The following NIPBL variants were observed in gnomAD, a reference collection of about 807,000 sequenced individuals.
NIPBL encodes the protein NIPBL cohesin loading factor, also known as nipped-B-like protein.
Under a neutral mutation model 321.8 loss-of-function variants are expected in NIPBL, and 19 were observed. That is an observed-to-expected ratio of 0.06 (90% CI 0.04 to 0.09). The LOEUF (loss-of-function observed/expected upper bound fraction) is 0.09, where lower values mean the gene tolerates loss of function less well. Ranked by LOEUF, NIPBL falls within the 10% of genes least tolerant of loss-of-function variation. The pLI, the probability that NIPBL is intolerant of heterozygous loss-of-function variation, is 1.00. For synonymous variants in NIPBL, 1,106 were observed against 1,114.1 expected (o/e 0.99, Z 0.14); for missense variants, 2,210 against 3,327.0 (o/e 0.66, Z 8.26).
Position 37,064,960 on chromosome 5 carries a change from A to T in NIPBL, c.*68A>T. 6.3e-7 allele frequency: 1 copy of T among 1,586,982 alleles called. No individual in the cohort carries two copies. Among genetic ancestry groups the T allele is most frequent in the South Asian group, 1.1e-5 (1 of 90,070 alleles). Reference sequence around the variant, plus strand: ...AGGCAGAAAAACTTGAAATACCAACATTCTGGCAAAAAAAAATCAGTTTTA... The same window carrying T: ...AGGCAGAAAAACTTGAAATACCAACTTTCTGGCAAAAAAAAATCAGTTTTA... On this transcript the variant is annotated 3_prime_UTR_variant, in exon 47 of 47. Transcript: ENST00000282516.
At chr5:37,060,696 A>G (rs1754574485) in intron 44 of NIPBL, 148 bp from the exon 45 acceptor site, 1 of 702,878 alleles carries the variant, frequency 1.4e-6, no homozygotes, top group African/African-American at 1.8e-5. Context: ...AAGTAATTGT[A>G]TTGAAGCTGT....
At chr5:37,027,543 C>A in intron 32 of NIPBL, 131 bp downstream of exon 32, 25 of 479,020 alleles carry the variant, frequency 5.2e-5, no homozygotes, top group East Asian at 9.0e-5. Flanking sequence ...AAATTTATTT[C>A]AATATGTTAG....
intron 3 of NIPBL, among the ~76,000 whole-genome samples, chr5:36,956,687 C>T (rs564066828): frequency 5.1e-4 from 64 of 125,274 alleles, no homozygotes; most frequent in Non-Finnish European, 8.1e-4. Flanking sequence ...TGCAGTGGTG[C>T]GATCTCGGCT....
chr5:36,995,829 ATTATT>A lies in NIPBL; in HGVS notation c.3304+29_3304+33del, dbSNP rs778959713. 2.5e-6 allele frequency: 4 copies of A among 1,593,294 alleles called. No homozygotes were observed. The South Asian group carries it at 3.3e-5, about 13-fold the overall frequency. ...TGTAAGTATCACAGAACTCTTTGTT[ATTATT>A]TTAGAGTTTAAAAGCAGGTTGATGT... On this transcript the variant is annotated intron_variant, in intron 11 of 46. Coordinates refer to ENST00000282516, the MANE Select transcript of NIPBL (RefSeq NM_133433.4).
intron 20 of NIPBL, among the ~76,000 whole-genome samples, chr5:37,009,261 A>T (rs1747812351): frequency 6.6e-6 from 1 of 152,204 alleles, no homozygotes; most frequent in South Asian, 2.1e-4. Flanking sequence ...AAACAGAAAG[A>T]TTAATGGCAG....
At position 37,026,283 on chromosome 5, in the gene NIPBL, G is replaced by C; in HGVS notation, c.5764G>C (p.Asp1922His). 1 of 1,612,336 alleles carries C rather than the reference G, an allele frequency of 6.2e-7. No homozygotes were observed. Among genetic ancestry groups the C allele is most frequent in the South Asian group, 1.1e-5 (1 of 90,904 alleles). The part of the protein sequence containing the change: ...KLWFTPTPHN[D>H]KEAMTRKILN... ...CTGGTTTACTCCAACTCCACACAAT[G>C]ACAAAGAAGCAATGACAAGGAAAAT... Residue 1922 changes from aspartate (D) to histidine (H), a missense_variant, in exon 31 of 47, where the codon GAC (aspartate) becomes CAC (histidine). Transcript: ENST00000282516.
intron 32 of NIPBL, among the ~76,000 whole-genome samples, chr5:37,029,335 G>C (rs928206167): frequency 6.6e-6 from 1 of 152,148 alleles, no homozygotes; most frequent in Non-Finnish European, 1.5e-5. Context: ...GAGTCATACA[G>C]TATGTAATCT....
intron 14 of NIPBL, 53 bp downstream of exon 14, chr5:37,001,131 C>A: frequency 8.4e-7 from 1 of 1,193,606 alleles, no homozygotes; most frequent in Non-Finnish European, 1.2e-6. Context: ...TTAACTGTAT[C>A]CTCTAGAGTA....
At chr5:37,064,059 A>G (rs1561232200) in intron 46 of NIPBL, 81 bp downstream of exon 46, 3 of 1,556,418 alleles carry the variant, frequency 1.9e-6, no homozygotes, top group Non-Finnish European at 2.6e-6. Context: ...TCAGTCTATT[A>G]AATGTACACC....
At chr5:36,939,805 T>C (rs769383357) in intron 1 of NIPBL, among the ~76,000 whole-genome samples, 5 of 152,152 alleles carry the variant, frequency 3.3e-5, no homozygotes, top group Non-Finnish European at 7.3e-5. Context: ...AGAACTCTTC[T>C]TTTTATCAGG....
At chr5:36,880,177 A>G (rs1295147700) in intron 1 of NIPBL, among the ~76,000 whole-genome samples, 2 of 152,066 alleles carry the variant, frequency 1.3e-5, no homozygotes, top group Admixed American at 1.3e-4. Context: ...CTTGCAGCCG[A>G]AAAATGTATT....
chr5:37,048,689 T>G lies in NIPBL; in HGVS notation c.6763+14T>G. The stretch of plus-strand genomic sequence containing the variant: ...CAGATAGAGACTGTAAGTGAAAATA[T>G]ATTTTTAAATTTCATAGCTACATTT... On this transcript the variant is annotated intron_variant, in intron 39 of 46. Transcript: ENST00000282516. 6.3e-7 allele frequency: 1 copy of G among 1,575,338 alleles called. No homozygotes were observed. Among genetic ancestry groups the G allele is most frequent in the Non-Finnish European group, 8.7e-7 (1 of 1,148,342 alleles).
chr5:37,015,442 A>G (rs1027615568), intron 22 of NIPBL, among the ~76,000 whole-genome samples: 2 of 151,770 alleles, frequency 1.3e-5, no homozygotes, highest in African/African-American at 4.8e-5. Flanking sequence ...ATAAGAATTT[A>G]TGATGACCTT....
Position 37,020,794 on chromosome 5 carries a change from G to A in NIPBL, c.5245G>A (p.Asp1749Asn), listed in dbSNP as rs528213483. ...STLKMNSDTVDYDDACLIVRY... is the reference protein window; with the variant it reads ...STLKMNSDTVNYDDACLIVRY... ...TTGCAGGATGAACTCTGATACTGTG[G>A]ACTATGATGATGCTTGCTTGATTGT... The change falls in exon 27 of 47, where the codon GAC (aspartate) becomes AAC (asparagine). Residue 1749 changes from aspartate (D) to asparagine (N), a missense_variant. By Grantham distance (23) the Asp-to-Asn change is conservative. Transcript: ENST00000282516. 5 of 1,614,060 alleles carry A rather than the reference G, an allele frequency of 3.1e-6. No homozygotes were observed. The highest frequency in any genetic ancestry group is 3.4e-6 in the Non-Finnish European group (4 of 1,179,954).
intron 34 of NIPBL, among the ~76,000 whole-genome samples, chr5:37,044,129 C>A (rs187706992): frequency 6.6e-6 from 1 of 152,118 alleles, no homozygotes; most frequent in Admixed American, 6.5e-5. Flanking sequence ...GATTAAGTGA[C>A]CCCAAAGTCA....
At chr5:36,994,850 ATTGTC>A (rs1745952830) in intron 10 of NIPBL, among the ~76,000 whole-genome samples, 1 of 147,430 alleles carries the variant, frequency 6.8e-6, no homozygotes, top group Non-Finnish European at 1.5e-5. Context: ...AATGGCTCTT[ATTGTC>A]TTGTCTTCTT....
chr5:37,002,906 G>A, intron 15 of NIPBL, 141 bp downstream of exon 15: 1 of 603,004 alleles, frequency 1.7e-6, no homozygotes. Flanking sequence ...GAGTCTAAAT[G>A]AGTTTTTTTG....
intron 3 of NIPBL, among the ~76,000 whole-genome samples, chr5:36,957,836 A>T (rs1306429493): frequency 6.6e-6 from 1 of 152,114 alleles, no homozygotes; most frequent in African/African-American, 2.4e-5. Context: ...TACAAAAATT[A>T]GCTGGGCGTG....
At chr5:36,913,362 G>A (rs1748198079) in intron 1 of NIPBL, among the ~76,000 whole-genome samples, 1 of 151,068 alleles carries the variant, frequency 6.6e-6, no homozygotes, top group African/African-American at 2.4e-5. Context: ...TTTTATAAAA[G>A]TGCCTAGTTT....
Sources: allele counts gnomAD v4.1 joint callset (sites outside exome capture counted in the v4.1 genomes callset), GRCh38; gene constraint gnomAD v4.1.1; transcripts MANE v1.5; gene names NCBI Gene and HGNC (gene_info 2026-07-23, HGNC 2026-07-21).